The following ADGRL3 variants were observed in gnomAD, a reference collection of about 807,000 sequenced individuals.
ADGRL3 encodes calcium-independent alpha-latrotoxin receptor 3.
Under a neutral mutation model 153.5 loss-of-function variants are expected in ADGRL3, and 62 were observed. That is an observed-to-expected ratio of 0.40 (90% confidence interval 0.33 to 0.50). The LOEUF (loss-of-function observed/expected upper bound fraction) is 0.50, where lower values mean the gene tolerates loss of function less well. ADGRL3 is among the 20% of genes least tolerant of loss of function. The pLI, the probability that ADGRL3 is intolerant of heterozygous loss-of-function variation, is 0.47. For missense variants in ADGRL3, 1,641 were observed against 1,859.4 expected (o/e 0.88, Z 2.16); for synonymous variants, 710 against 672.5 (o/e 1.06, Z -0.86).
At chr4:61,917,671 T>C (rs1048856244) in intron 13 of ADGRL3, among the ~76,000 whole-genome samples, 3 of 152,304 alleles carry the variant, frequency 2.0e-5, no homozygotes, top group Non-Finnish European at 4.4e-5. Context: ...CAGAAGTTCT[T>C]GACTCTAGTC....
chr4:61,882,958 C>T (rs1046183378), intron 9 of ADGRL3, among the ~76,000 whole-genome samples: 9 of 151,960 alleles, frequency 5.9e-5, no homozygotes, highest in African/African-American at 2.2e-4. Context: ...CACACACATG[C>T]ACACAAAATT....
chr4:61,415,531 C>T (rs903567630), intron 2 of ADGRL3, among the ~76,000 whole-genome samples: 1 of 151,998 alleles, frequency 6.6e-6, no homozygotes, highest in Non-Finnish European at 1.5e-5. Context: ...TCTACCACAT[C>T]ATTGTTTGCC....
chr4:61,798,236 G>T (rs1408574790), intron 8 of ADGRL3, among the ~76,000 whole-genome samples: 1 of 152,106 alleles, frequency 6.6e-6, no homozygotes, highest in Non-Finnish European at 1.5e-5. Flanking sequence ...TTAAAAACTT[G>T]TCAGAGCTAA....
chr4:61,749,589 C>T (rs1181131122), intron 8 of ADGRL3, among the ~76,000 whole-genome samples: 1 of 152,068 alleles, frequency 6.6e-6, no homozygotes, highest in Non-Finnish European at 1.5e-5. Context: ...AATCATCATT[C>T]TCAGTAAACT....
chr4:61,728,591 T>C (rs946794516), intron 6 of ADGRL3, among the ~76,000 whole-genome samples: 3 of 152,094 alleles, frequency 2.0e-5, no homozygotes, highest in Non-Finnish European at 4.4e-5. Context: ...ATGAGTTTTA[T>C]GTTAAAAAAG....
At chr4:61,637,230 A>G (rs1239306312) in intron 5 of ADGRL3, among the ~76,000 whole-genome samples, 2 of 152,170 alleles carry the variant, frequency 1.3e-5, no homozygotes, top group African/African-American at 2.4e-5. Flanking sequence ...CAAATCCAAT[A>G]TGACTTGTGT....
chr4:61,730,852 G>C (rs2096429214), intron 7 of ADGRL3, among the ~76,000 whole-genome samples: 1 of 151,934 alleles, frequency 6.6e-6, no homozygotes, highest in South Asian at 2.1e-4. Flanking sequence ...TTTCAACAGT[G>C]TATTTTATTC....
intron 4 of ADGRL3, among the ~76,000 whole-genome samples, chr4:61,530,128 A>G (rs922647526): frequency 6.6e-6 from 1 of 152,182 alleles, no homozygotes; most frequent in African/African-American, 2.4e-5. Flanking sequence ...TGGGTATTAA[A>G]TTAAATAGAA....
intron 1 of ADGRL3, among the ~76,000 whole-genome samples, chr4:61,287,368 A>T (rs2093977451): frequency 6.6e-6 from 1 of 151,978 alleles, no homozygotes; most frequent in Non-Finnish European, 1.5e-5. Flanking sequence ...TAACATATCG[A>T]CATTTCCATT....
At chr4:61,248,991 G>A (rs539524886) in intron 1 of ADGRL3, among the ~76,000 whole-genome samples, 7 of 152,198 alleles carry the variant, frequency 4.6e-5, no homozygotes, top group South Asian at 2.1e-4. Flanking sequence ...TGATTCTTCC[G>A]TAAGCTTTCC....
chr4:61,864,731 G>A (rs1034189974), intron 9 of ADGRL3, among the ~76,000 whole-genome samples: 17 of 152,114 alleles, frequency 1.1e-4, no homozygotes, highest in African/African-American at 3.9e-4. Flanking sequence ...TTTCAACGAC[G>A]ATTCTTTTGA....
rs1471417702 is a variant in ADGRL3, at chr4:61,945,786, G to T, written c.2420-1128G>T. The stretch of plus-strand genomic sequence containing the variant: ...CCCAGGTGAGGCAATGCCTCGCCCT[G>T]CTTCGGCTCGCGCACGGTGCGCACA... On this transcript the variant is annotated intron_variant, in intron 15 of 26. Coordinates refer to ENST00000683033, the MANE Select transcript of ADGRL3 (RefSeq NM_001387552.1). 5.3e-5 allele frequency among the ~76,000 whole-genome samples: 8 copies of T among 151,886 alleles called. 1 individual carries two copies. In the South Asian group the frequency reaches 1.7e-3, roughly 32 times the overall value.
intron 1 of ADGRL3, among the ~76,000 whole-genome samples, chr4:61,270,743 A>G (rs2093126026): frequency 6.6e-6 from 1 of 151,660 alleles, no homozygotes; most frequent in Non-Finnish European, 1.5e-5. Context: ...GCTAATACAT[A>G]TGGAGTCTAC....
chr4:62,033,622 GC>G (rs143497178), intron 23 of ADGRL3, among the ~76,000 whole-genome samples: 1,677 of 151,666 alleles, frequency 0.011, 15 homozygotes, highest in Non-Finnish European at 0.018. Flanking sequence ...AGAAATAGAT[GC>G]AAAAAATGTG....
intron 25 of ADGRL3, among the ~76,000 whole-genome samples, chr4:62,051,309 G>A (rs186336955): frequency 6.6e-6 from 1 of 151,254 alleles, no homozygotes; most frequent in Admixed American, 6.6e-5. Context: ...GGCAAAATAG[G>A]CTCAGATTTT....
intron 1 of ADGRL3, among the ~76,000 whole-genome samples, chr4:61,297,787 C>T (rs1220994652): frequency 6.6e-6 from 1 of 151,808 alleles, no homozygotes; most frequent in Non-Finnish European, 1.5e-5. Context: ...TTAGTACCTA[C>T]CACTACAACT....
chr4:62,077,989 T>G lies in ADGRL3; in HGVS notation c.*7081T>G, dbSNP rs1360105140. On this transcript the variant is annotated 3_prime_UTR_variant, in exon 27 of 27. Coordinates refer to ENST00000683033, the MANE Select transcript of ADGRL3 (RefSeq NM_001387552.1). ...TGGAAGTGGATGGATAACTTGGAAC[T>G]TTTTCCATACTGTTTTCCCCCTCAC... 1 of 151,980 alleles carries G rather than the reference T, an allele frequency of 6.6e-6. No homozygotes were observed. Among genetic ancestry groups the G allele is most frequent in the Non-Finnish European group, 1.5e-5 (1 of 67,896 alleles). 9.4% of individuals were successfully genotyped at this position (151,980 alleles called of 1,614,324 possible).
In ADGRL3 at chr4:61,998,266, G is replaced by C; in HGVS notation, c.3395+1G>C. ...AATCAGGCTGTCTTGATAACATCAA[G>C]TAAGTGATTTTTATTTTTGTTTTCT... On this transcript the variant is annotated splice_donor_variant, in intron 21 of 26. Transcript: ENST00000683033. LOFTEE classifies it high-confidence loss of function. 6.6e-7 allele frequency: 1 copy of C among 1,509,368 alleles called. No homozygotes were observed. 93.5% of individuals were successfully genotyped at this position (1,509,368 alleles called of 1,614,324 possible).
intron 17 of ADGRL3, among the ~76,000 whole-genome samples, chr4:61,974,110 G>A (rs992619113): frequency 6.6e-6 from 1 of 152,038 alleles, no homozygotes; most frequent in Non-Finnish European, 1.5e-5. Flanking sequence ...TGTGACTACA[G>A]GCACCCTCCA....
Sources: allele counts gnomAD v4.1 joint callset (sites outside exome capture counted in the v4.1 genomes callset), GRCh38; gene constraint gnomAD v4.1.1; transcripts MANE v1.5; gene names NCBI Gene and HGNC (gene_info 2026-07-23, HGNC 2026-07-21).